The following SNX29 variants were observed in gnomAD, a reference collection of about 807,000 sequenced individuals.
SNX29 encodes sorting nexin-29.
Under a neutral mutation model 102.1 loss-of-function variants are expected in SNX29, and 78 were observed. That is an observed-to-expected ratio of 0.76 (90% CI 0.64 to 0.92). The LOEUF (loss-of-function observed/expected upper bound fraction) is 0.92. Ranked by LOEUF, SNX29 falls within the 40% of genes least tolerant of loss-of-function variation. The probability of loss-of-function intolerance (pLI) is 0.00; values close to 1 mark genes in which losing one functional copy is unlikely to be tolerated. For synonymous variants in SNX29, 580 were observed against 414.5 expected, an observed-to-expected ratio of 1.40 and a Z score of -4.85; for missense variants, 1,280 against 1,061.7, an observed-to-expected ratio of 1.21 and a Z score of -2.86.
At chr16:12,109,718 G>T (rs2053425848) in intron 11 of SNX29, among the ~76,000 whole-genome samples, 2 of 150,148 alleles carry the variant, frequency 1.3e-5, no homozygotes, top group Non-Finnish European at 3.0e-5. Context: ...TTAACCTGTT[G>T]AGCTTCCATT....
At chr16:12,357,761 T>C (rs2082181549) in intron 16 of SNX29, among the ~76,000 whole-genome samples, 1 of 152,190 alleles carries the variant, frequency 6.6e-6, no homozygotes, top group Non-Finnish European at 1.5e-5. Context: ...CACTACTGTC[T>C]TAGGTTTCTT....
chr16:12,338,440 G>C (rs2081516697), intron 15 of SNX29, among the ~76,000 whole-genome samples: 1 of 152,208 alleles, frequency 6.6e-6, no homozygotes, highest in South Asian at 2.1e-4. Context: ...CCGGGAACAA[G>C]GAAGCTCATC....
At chr16:12,056,107 C>T (rs1406317353) in intron 8 of SNX29, among the ~76,000 whole-genome samples, 1 of 152,180 alleles carries the variant, frequency 6.6e-6, no homozygotes, top group Admixed American at 6.5e-5. Context: ...GTATTGAACT[C>T]CTGAGCTCAA....
intron 15 of SNX29, among the ~76,000 whole-genome samples, chr16:12,310,940 G>A (rs2080519085): frequency 2.6e-5 from 4 of 152,228 alleles, no homozygotes; most frequent in Admixed American, 2.6e-4. Context: ...CCCCCACAGG[G>A]GAGGTTTGTT....
intron 18 of SNX29, among the ~76,000 whole-genome samples, chr16:12,407,703 G>A (rs1392187222): frequency 6.6e-6 from 1 of 152,134 alleles, no homozygotes; most frequent in East Asian, 1.9e-4. Context: ...AGAATCAAAG[G>A]CACAGAGAAG....
intron 14 of SNX29, among the ~76,000 whole-genome samples, chr16:12,250,831 GA>G (rs1286176889): frequency 7.4e-6 from 1 of 135,462 alleles, no homozygotes; most frequent in African/African-American, 3.7e-5. Flanking sequence ...CTAGAAGAGC[GA>G]CTGGGCTGGT....
At chr16:12,285,750 A>G (rs893345767) in intron 15 of SNX29, among the ~76,000 whole-genome samples, 1 of 152,246 alleles carries the variant, frequency 6.6e-6, no homozygotes, top group Admixed American at 6.5e-5. Context: ...GGGCTTTTCA[A>G]TAAAATACTG....
chr16:12,033,899 CTCTAGTG>C (rs1001816363), intron 4 of SNX29, among the ~76,000 whole-genome samples: 12 of 152,072 alleles, frequency 7.9e-5, no homozygotes, highest in African/African-American at 2.9e-4. Flanking sequence ...ATCCTTGTAG[CTCTAGTG>C]TCTTGCAAGA....
At chr16:12,514,264 C>T (rs138076479) in intron 19 of SNX29, among the ~76,000 whole-genome samples, 1,703 of 152,314 alleles carry the variant, frequency 0.011, 33 homozygotes, top group African/African-American at 0.039. Context: ...ATGCCTGTCA[C>T]TCCTTGGGGA....
chr16:12,001,907 C>T (rs1003699285), intron 2 of SNX29, among the ~76,000 whole-genome samples: 1 of 151,964 alleles, frequency 6.6e-6, no homozygotes, highest in Non-Finnish European at 1.5e-5. Context: ...GTAATCCCAG[C>T]TACTTGGGAG....
Position 12,548,827 on chromosome 16 carries a change from G to T in SNX29, c.2319-19679G>T, listed in dbSNP as rs369373316. On this transcript the variant is annotated intron_variant, in intron 20 of 20. Transcript: ENST00000566228. The stretch of plus-strand genomic sequence containing the variant: ...CTGTTGTTTTCCTATGGCAGGCCCA[G>T]CCCTGTCTAGCTCTCAGTTCCTCTG... Among the ~76,000 whole-genome samples the T allele has an allele frequency of 1.4e-4, 22 of 152,296 alleles. No individual in the cohort carries two copies. The East Asian group carries it at 1.9e-3, about 13-fold the overall frequency.
chr16:12,302,370 G>A (rs2080202688), intron 15 of SNX29, among the ~76,000 whole-genome samples: 2 of 152,194 alleles, frequency 1.3e-5, no homozygotes, highest in African/African-American at 4.8e-5. Context: ...TATTGATTGT[G>A]TTATCTACTG....
At chr16:12,200,487 C>CTT (rs35068951) in intron 14 of SNX29, among the ~76,000 whole-genome samples, 17 of 148,590 alleles carry the variant, frequency 1.1e-4, no homozygotes, top group Admixed American at 3.3e-4. Context: ...ATTCACGTGT[C>CTT]TTTTTTTTTT....
At chr16:12,156,580 C>T (rs1197874085) in intron 13 of SNX29, among the ~76,000 whole-genome samples, 1 of 152,216 alleles carries the variant, frequency 6.6e-6, no homozygotes, top group Non-Finnish European at 1.5e-5. Flanking sequence ...GGGGCAGGAG[C>T]TCGCTGGGGC....
chr16:12,024,900 T>C lies in SNX29; in HGVS notation c.123-2420T>C, dbSNP rs141005929. ...GTTTTTGTTTTTGTTTTTTTCTCTC[T>C]GAGACAGACCCCTGATCTAGGTCAT... On this transcript the variant is annotated intron_variant, in intron 3 of 20. Coordinates refer to ENST00000566228, the MANE Select transcript of SNX29 (RefSeq NM_032167.5). Among the ~76,000 whole-genome samples, 348 of 152,324 alleles carry C rather than the reference T, an allele frequency of 2.3e-3. 2 individuals carry two copies. The highest frequency in any genetic ancestry group is 0.021 in the Admixed American group (317 of 15,286).
At chr16:12,172,408 C>T (rs1192472713) in intron 13 of SNX29, among the ~76,000 whole-genome samples, 1 of 152,096 alleles carries the variant, frequency 6.6e-6, no homozygotes, top group Non-Finnish European at 1.5e-5. Flanking sequence ...CTGAGTCCCC[C>T]AGGGCCAGGA....
chr16:12,553,867 G>A (rs2078151347), intron 20 of SNX29, among the ~76,000 whole-genome samples: 1 of 152,006 alleles, frequency 6.6e-6, no homozygotes, highest in South Asian at 2.1e-4. Context: ...GATTTCAGAT[G>A]GAGTCTCACT....
At chr16:12,507,815 C>G (rs1322338160) in intron 19 of SNX29, among the ~76,000 whole-genome samples, 1 of 152,168 alleles carries the variant, frequency 6.6e-6, no homozygotes, top group Non-Finnish European at 1.5e-5. Flanking sequence ...GCATTAAACT[C>G]AAAGGTCTTG....
intron 19 of SNX29, 71 bp from the exon 20 acceptor site, chr16:12,524,631 C>T (rs1034130527): frequency 4.6e-6 from 7 of 1,532,830 alleles, no homozygotes; most frequent in Non-Finnish European, 4.4e-6. Context: ...GGGTGATCGC[C>T]TGTTCTATAG....
Sources: gnomAD v4.1 joint callset for allele counts (sites outside exome capture counted in the v4.1 genomes callset) on GRCh38, gnomAD v4.1.1 for gene constraint, MANE v1.5 for transcripts, NCBI Gene and HGNC (gene_info 2026-07-23, HGNC 2026-07-21) for gene names.